Variants in LRRC9 observed in about 807,000 individuals in gnomAD.
LRRC9 encodes the protein leucine-rich repeat-containing protein 9.
In LRRC9, 122 loss-of-function variants were observed where a neutral mutation model predicts 63.2. That is an observed-to-expected ratio of 1.93 (90% CI 1.67 to 2.24). The LOEUF is 2.24. Ranked by LOEUF, LRRC9 falls within the 30% of genes most tolerant of loss-of-function variation. LRRC9 has a pLI of 0.00. For synonymous variants in LRRC9, 366 were observed against 213.1 expected, an observed-to-expected ratio of 1.72 and a Z score of -6.25; for missense variants, 1,071 against 627.7, an observed-to-expected ratio of 1.71 and a Z score of -7.55.
At position 60,053,383 on chromosome 14, in the gene LRRC9, T is replaced by A. The variant is rs200643014; in HGVS notation, c.4131+178T>A. The stretch of plus-strand genomic sequence containing the variant: ...GATTTGGTGAATAGAGCATGCGTGC[T>A]CACACACACACACACACACACACAC... On this transcript the variant is annotated intron_variant, in intron 30 of 31. Coordinates refer to ENST00000445360, the Ensembl canonical transcript of LRRC9. This position sits in a 1 kb window ranked among gnomAD's most constrained non-coding sequence, Gnocchi z 4.8. 2.5e-4 allele frequency among the ~76,000 whole-genome samples: 21 copies of A among 85,618 alleles called. No individual in the cohort carries two copies. Among genetic ancestry groups the A allele is most frequent in the East Asian group, 1.7e-3 (5 of 2,994 alleles). The allele number at this position is 85,618 out of a possible 152,430, so 56.2% of individuals were successfully genotyped here. A position where few individuals can be genotyped will look rare whatever the true frequency, so the allele number is the denominator to read the frequency against.
chr14:60,023,558 T>C (rs1389865009), intron 27 of LRRC9, among the ~76,000 whole-genome samples: 7 of 152,064 alleles, frequency 4.6e-5, no homozygotes, highest in African/African-American at 1.7e-4. Flanking sequence ...ATAAATCCTC[T>C]AAACATGATT....
chr14:59,933,321 C>T (rs1338883067), intron 6 of LRRC9, among the ~76,000 whole-genome samples: 3 of 152,132 alleles, frequency 2.0e-5, no homozygotes, highest in African/African-American at 4.8e-5. Context: ...TGCCTGTTCT[C>T]TTCATTGCTG....
At chr14:60,034,613 C>T (rs2140342093) in intron 29 of LRRC9, among the ~76,000 whole-genome samples, 1 of 152,212 alleles carries the variant, frequency 6.6e-6, no homozygotes, top group East Asian at 1.9e-4. Flanking sequence ...TCTTTCTGTG[C>T]CTGGCTTATT....
At position 59,982,347 on chromosome 14, in the gene LRRC9, TTA is replaced by T. The variant is rs1351584856; in HGVS notation, c.2091+288_2091+289del. 2.0e-5 allele frequency among the ~76,000 whole-genome samples: 3 copies of T among 152,362 alleles called. No homozygotes were observed. In the East Asian group the frequency reaches 5.8e-4, roughly 29 times the overall value. ...ATACATTTTATTTAACTGAAATATC[TTA>T]GTTTGTTTTCTATTTCTATAACAAA... On this transcript the variant is annotated intron_variant, in intron 16 of 31. Transcript: ENST00000445360.
rs768297561 is a variant in LRRC9 at position 59,999,078 on chromosome 14, A to T, written c.2404-23A>T. On this transcript the variant is annotated intron_variant, in intron 18 of 31. Coordinates refer to ENST00000445360, the Ensembl canonical transcript of LRRC9. ...TAACATATTTAACAGTTTATAAAAA[A>T]TTTTTTTTTTGTTTTTCCCAAGCCA... The T allele has an allele frequency of 1.2e-3, 704 of 590,662 alleles. 3 individuals carry two copies. The highest frequency in any genetic ancestry group is 6.0e-3 in the South Asian group (295 of 49,336). The allele number at this position is 590,662 out of a possible 1,614,324, so 36.6% of individuals were successfully genotyped here. A position where few individuals can be genotyped will look rare whatever the true frequency, so the allele number is the denominator to read the frequency against.
In LRRC9 at chr14:59,982,297, T is replaced by C. The variant is rs114275332; in HGVS notation, c.2091+237T>C. 2.8e-3 allele frequency among the ~76,000 whole-genome samples: 432 copies of C among 152,356 alleles called. 1 individual carries two copies. Among genetic ancestry groups the C allele is most frequent in the African/African-American group, 9.8e-3 (409 of 41,590 alleles). On this transcript the variant is annotated intron_variant, in intron 16 of 31. Transcript: ENST00000445360. ...AGTAGCTATGTTTTTAAAAGCTTTT[T>C]TAAAAAGTAAAATTAATTTTAATAA...
chr14:60,019,213 AG>A lies in LRRC9; in HGVS notation c.3520del (p.Val1174CysfsTer18). On this transcript the variant is annotated frameshift_variant, in exon 26 of 32. Coordinates refer to ENST00000445360, the Ensembl canonical transcript of LRRC9. LOFTEE classifies it high-confidence loss of function. ...CCAGTAGACAACTACTGTACCAGAA[AG>A]TGCCTTCAAGTGGCTATGGACAGCA... The A allele has an allele frequency of 1.4e-6, 1 of 700,244 alleles. No homozygotes were observed. Among genetic ancestry groups the A allele is most frequent in the South Asian group, 1.5e-5 (1 of 67,362 alleles). The allele number at this position is 700,244 out of a possible 1,614,324, so 43.4% of individuals were successfully genotyped here.
At position 60,003,675 on chromosome 14, in the gene LRRC9, A is replaced by C. The variant is rs958476712; in HGVS notation, c.2719A>C (p.Lys907Gln). ...TCTTTTTGAAATCACAAATTTAGAAAAATTGGAAAATTTGAAATGGGCATC... is the reference window on the plus strand; with the variant it reads ...TCTTTTTGAAATCACAAATTTAGAACAATTGGAAAATTTGAAATGGGCATC... The change falls in exon 21 of 32, where the codon AAA (lysine) becomes CAA (glutamine). Residue 907 changes from lysine (K) to glutamine (Q), a missense_variant. Coordinates refer to ENST00000445360, the Ensembl canonical transcript of LRRC9. This position sits in a 1 kb window ranked among gnomAD's most constrained non-coding sequence, Gnocchi z 4.2. 1 of 694,394 alleles carries C rather than the reference A, an allele frequency of 1.4e-6. No individual in the cohort carries two copies. The highest frequency in any genetic ancestry group is 1.8e-5 in the African/African-American group (1 of 56,730). 43.0% of individuals were successfully genotyped at this position (694,394 alleles called of 1,614,324 possible). A position where few individuals can be genotyped will look rare whatever the true frequency, so the allele number is the denominator to read the frequency against.
rs1263959895 is a variant in LRRC9, at chr14:59,927,918, A to G, written c.-26A>G. 1 of 667,492 alleles carries G rather than the reference A, an allele frequency of 1.5e-6. No individual in the cohort carries two copies. Among genetic ancestry groups the G allele is most frequent in the Non-Finnish European group, 2.7e-6 (1 of 372,920 alleles). The allele number at this position is 667,492 out of a possible 1,614,324, so 41.3% of individuals were successfully genotyped here. A position where few individuals can be genotyped will look rare whatever the true frequency, so the allele number is the denominator to read the frequency against. ...TTTCATTTTCCTTAAAAGTTATAATATTATGATCACTGTTTTTAATGGAAG... is the reference window on the plus strand; with the variant it reads ...TTTCATTTTCCTTAAAAGTTATAATGTTATGATCACTGTTTTTAATGGAAG... On this transcript the variant is annotated 5_prime_UTR_variant, in exon 2 of 32. It adds an upstream start codon to the 5' untranslated region. Transcript: ENST00000445360. The surrounding 1 kb of genome is among the most constrained non-coding windows in gnomAD (Gnocchi z 4.4).
At chr14:59,968,685 A>G (rs1250748161) in intron 12 of LRRC9, among the ~76,000 whole-genome samples, 3 of 152,218 alleles carry the variant, frequency 2.0e-5, no homozygotes, top group Admixed American at 6.5e-5. Context: ...TGAATTGCTC[A>G]CATTCGGTCC....
At chr14:59,956,666 T>C (rs1488156788) in intron 8 of LRRC9, among the ~76,000 whole-genome samples, 1 of 152,234 alleles carries the variant, frequency 6.6e-6, no homozygotes, top group Non-Finnish European at 1.5e-5. Context: ...ATGTGTGAAT[T>C]TGATCCTGTC....
intron 16 of LRRC9, among the ~76,000 whole-genome samples, chr14:59,983,767 T>C (rs1366971051): frequency 1.3e-5 from 2 of 152,156 alleles, no homozygotes; most frequent in Non-Finnish European, 2.9e-5. Context: ...GGATGGATTT[T>C]GGAAGCCAAA....
rs150387937 is a variant in LRRC9, at chr14:59,932,420, C to T, written c.543+381C>T. 6.6e-6 allele frequency among the ~76,000 whole-genome samples: 1 copy of T among 152,180 alleles called. No individual in the cohort carries two copies. The highest frequency in any genetic ancestry group is 2.4e-5 in the African/African-American group (1 of 41,538). On this transcript the variant is annotated intron_variant, in intron 6 of 31. Transcript: ENST00000445360. The surrounding 1 kb of genome is among the most constrained non-coding windows in gnomAD (Gnocchi z 4.7). ...TAAATAATCTCATCATGCCTTAAGA[C>T]TTTAAATACCGTTTATCTACCCTTT...
In LRRC9 at chr14:60,027,294, A is replaced by T. The variant is rs935828044; in HGVS notation, c.3704-590A>T. Among the ~76,000 whole-genome samples, 1 of 152,044 alleles carries T rather than the reference A, an allele frequency of 6.6e-6. No homozygotes were observed. Among genetic ancestry groups the T allele is most frequent in the Admixed American group, 6.6e-5 (1 of 15,234 alleles). On this transcript the variant is annotated intron_variant, in intron 27 of 31. Coordinates refer to ENST00000445360, the Ensembl canonical transcript of LRRC9. This position sits in a 1 kb window ranked among gnomAD's most constrained non-coding sequence, Gnocchi z 4.0. ...ATTTTGTAAATTGGAGAGTCTTCAT[A>T]TAAGTTATCATTAATATTTATATAG... is the stretch of plus-strand genomic sequence containing the variant.
chr14:60,056,673 T>G (rs1294060247), intron 30 of LRRC9, among the ~76,000 whole-genome samples: 1 of 152,180 alleles, frequency 6.6e-6, no homozygotes, highest in South Asian at 2.1e-4. Flanking sequence ...TATATATGGT[T>G]AGTAAAATAA....
chr14:59,959,470 T>G (rs1272842854), intron 8 of LRRC9, among the ~76,000 whole-genome samples: 1 of 152,216 alleles, frequency 6.6e-6, no homozygotes, highest in Admixed American at 6.5e-5. Flanking sequence ...TGTACTAAAA[T>G]CAGTATTTAT....
At chr14:60,048,978 C>G in intron 29 of LRRC9, among the ~76,000 whole-genome samples, 1 of 152,126 alleles carries the variant, frequency 6.6e-6, no homozygotes, top group East Asian at 1.9e-4. Context: ...GTTGGTTCAA[C>G]ACGTGCAAAT....
At chr14:60,041,180 C>G (rs1892913946) in intron 29 of LRRC9, among the ~76,000 whole-genome samples, 1 of 152,066 alleles carries the variant, frequency 6.6e-6, no homozygotes, top group African/African-American at 2.4e-5. Context: ...TTCTCTCTCA[C>G]TACCCTTAAC....
rs1302293640 is a variant in LRRC9, at chr14:60,027,925, G to A, written c.3745G>A (p.Val1249Ile). ...AGTTGAAGGGCTTGACAACTTAGTA[G>A]TCCTTCAAGAATTGGTAGTGGACCA... Residue 1249 changes from valine to isoleucine, a missense_variant, in exon 28 of 32, where the codon GTC becomes ATC. Physicochemically the swap from Val to Ile is conservative, Grantham distance 29 (BLOSUM62 3). Transcript: ENST00000445360. The surrounding 1 kb of genome is among the most constrained non-coding windows in gnomAD (Gnocchi z 4.0). 8.6e-6 allele frequency: 6 copies of A among 701,398 alleles called. No individual in the cohort carries two copies. Among genetic ancestry groups the A allele is most frequent in the African/African-American group, 7.0e-5 (4 of 57,110 alleles). The allele number at this position is 701,398 out of a possible 1,614,324, so 43.4% of individuals were successfully genotyped here.
Sources: gnomAD v4.1 joint callset for allele counts (sites outside exome capture counted in the v4.1 genomes callset) on GRCh38, gnomAD v4.1.1 for gene constraint, Gnocchi (gnomAD v3.1) non-coding constraint, MANE v1.5 for transcripts, NCBI Gene and HGNC (gene_info 2026-07-23, HGNC 2026-07-21) for gene names.